The following ZNF475 variants were observed in gnomAD, a reference collection of about 807,000 sequenced individuals.
ZNF475 encodes zinc finger protein 475.
chr5:122,164,435 G>C, the ZNF475 span, among the ~76,000 whole-genome samples: 431 of 152,332 alleles, frequency 2.8e-3, 4 homozygotes, highest in African/African-American at 9.5e-3. Flanking sequence ...GCCAAGAGGA[G>C]GCAGTAGCAT....
the ZNF475 span, among the ~76,000 whole-genome samples, chr5:122,173,187 C>T: frequency 3.3e-5 from 5 of 152,072 alleles, no homozygotes; most frequent in Non-Finnish European, 7.4e-5. Flanking sequence ...TTCCTTCTGA[C>T]CAATTGTCAT....
At chr5:122,168,932 C>T in the ZNF475 span, among the ~76,000 whole-genome samples, 1,315 of 152,246 alleles carry the variant, frequency 8.6e-3, 22 homozygotes, top group African/African-American at 0.03. Context: ...CCCCACTGTT[C>T]TGACAGGAGG....
the ZNF475 span, chr5:122,182,444 A>ATT: frequency 3.7e-6 from 5 of 1,357,848 alleles, no homozygotes; most frequent in African/African-American, 4.5e-5. Context: ...TGTTTTTGGT[A>ATT]TTTTTTTTTC....
the ZNF475 span, among the ~76,000 whole-genome samples, chr5:122,175,425 G>C: frequency 5.9e-5 from 9 of 152,148 alleles, no homozygotes; most frequent in Admixed American, 5.9e-4. Context: ...TGCTACTAAA[G>C]AGCATATTGA....
the ZNF475 span, among the ~76,000 whole-genome samples, chr5:122,170,402 C>A: frequency 6.6e-6 from 1 of 152,190 alleles, no homozygotes; most frequent in African/African-American, 2.4e-5. Flanking sequence ...ATCCTCCCTT[C>A]ACGCTTAATA....
chr5:122,177,632 A>C, the ZNF475 span, among the ~76,000 whole-genome samples: 1 of 152,216 alleles, frequency 6.6e-6, no homozygotes, highest in Admixed American at 6.5e-5. Flanking sequence ...AAAAAGATAA[A>C]GTCACCAGGC....
At chr5:122,171,694 C>T in the ZNF475 span, among the ~76,000 whole-genome samples, 1 of 151,968 alleles carries the variant, frequency 6.6e-6, no homozygotes, top group Non-Finnish European at 1.5e-5. Context: ...TTGTACTGCT[C>T]CTTCCCCTGC....
At chr5:122,168,236 G>T in the ZNF475 span, among the ~76,000 whole-genome samples, 3 of 152,126 alleles carry the variant, frequency 2.0e-5, no homozygotes, top group South Asian at 6.2e-4. Context: ...TAGAGATGAG[G>T]TTTCATCATG....
At chr5:122,160,280 C>T in the ZNF475 span, 1 of 1,289,748 alleles carries the variant, frequency 7.8e-7, no homozygotes, top group Non-Finnish European at 1.0e-6. Context: ...GACCAGTTCT[C>T]TTCTACATTG....
chr5:122,182,394 C>A, the ZNF475 span: 6 of 909,982 alleles, frequency 6.6e-6, no homozygotes, highest in Non-Finnish European at 9.3e-6. Context: ...ATGGTTCTCC[C>A]GAATAAAAAC....
At chr5:122,160,537 C>T in the ZNF475 span, among the ~76,000 whole-genome samples, 3 of 152,154 alleles carry the variant, frequency 2.0e-5, no homozygotes, top group Non-Finnish European at 4.4e-5. Flanking sequence ...GGTAGAGACA[C>T]TGTGATAGAT....
At chr5:122,163,841 C>T in the ZNF475 span, among the ~76,000 whole-genome samples, 1 of 152,194 alleles carries the variant, frequency 6.6e-6, no homozygotes, top group Non-Finnish European at 1.5e-5. Flanking sequence ...AGTACAGCTT[C>T]TTTTGCCTAA....
chr5:122,175,849 C>A, the ZNF475 span, among the ~76,000 whole-genome samples: 2 of 152,166 alleles, frequency 1.3e-5, no homozygotes, highest in Admixed American at 1.3e-4. Context: ...ATCCTATAAA[C>A]AACAACAAAA....
chr5:122,177,735 A>G, the ZNF475 span, among the ~76,000 whole-genome samples: 1 of 152,120 alleles, frequency 6.6e-6, no homozygotes, highest in Non-Finnish European at 1.5e-5. Context: ...GCTTTATCTA[A>G]CAGACATTTT....
chr5:122,169,978 TC>T, the ZNF475 span, among the ~76,000 whole-genome samples: 1 of 152,228 alleles, frequency 6.6e-6, no homozygotes, highest in African/African-American at 2.4e-5. Flanking sequence ...AGACTATTTT[TC>T]CAGACATTTG....
At chr5:122,171,544 T>C in the ZNF475 span, among the ~76,000 whole-genome samples, 2 of 152,350 alleles carry the variant, frequency 1.3e-5, no homozygotes, top group African/African-American at 4.8e-5. Flanking sequence ...ACTAAAAGTT[T>C]AGTTTTTAAA....
chr5:122,177,222 G>A, the ZNF475 span, among the ~76,000 whole-genome samples: 16 of 152,194 alleles, frequency 1.1e-4, no homozygotes, highest in Admixed American at 1.0e-3. Flanking sequence ...CTGTTCTGCT[G>A]TGGGCAGAGC....
At chr5:122,166,555 A>G in the ZNF475 span, among the ~76,000 whole-genome samples, 1 of 152,144 alleles carries the variant, frequency 6.6e-6, no homozygotes, top group East Asian at 1.9e-4. Flanking sequence ...AAATGTTCTC[A>G]TTGTTCAATT....
the ZNF475 span, chr5:122,179,725 T>C: frequency 6.6e-7 from 1 of 1,507,420 alleles, no homozygotes; most frequent in Non-Finnish European, 8.8e-7. Context: ...GTCAGGACCA[T>C]TACTGGTAAG....
Sources: allele counts gnomAD v4.1 joint callset (sites outside exome capture counted in the v4.1 genomes callset), GRCh38; gene constraint gnomAD v4.1.1; transcripts MANE v1.5; gene names NCBI Gene and HGNC (gene_info 2026-07-23, HGNC 2026-07-21).